EPHA2: variants seen among roughly 807,000 people sequenced by gnomAD.
EPHA2 encodes ephrin type-A receptor 2.
Under a neutral mutation model 104.9 loss-of-function variants are expected in EPHA2, and 54 were observed. The observed-to-expected ratio is 0.51, with a 90% CI of 0.41 to 0.65. The LOEUF (loss-of-function observed/expected upper bound fraction) is 0.65. Ranked by LOEUF, EPHA2 falls within the 30% of genes least tolerant of loss-of-function variation. The pLI is 0.00. For missense variants in EPHA2, 1,117 were observed against 1,369.5 expected (o/e 0.82, Z 2.91); for synonymous variants, 560 against 559.1 (o/e 1.00, Z -0.02).
intron 3 of EPHA2, among the ~76,000 whole-genome samples, chr1:16,144,895 T>C: frequency 6.6e-6 from 1 of 152,200 alleles, no homozygotes; most frequent in East Asian, 1.9e-4. Flanking sequence ...CTGGGTTGTG[T>C]GTGAAGATGG....
rs1340234385 is a variant in EPHA2, at chr1:16,134,533, G to A, written c.1617C>T (p.Gly539=). ...GCAGGACCACACCGACAGCCACGCCGCCAATCACCGCCAAGTTGCCAGATC... is the reference window on the plus strand; with the variant it reads ...GCAGGACCACACCGACAGCCACGCCACCAATCACCGCCAAGTTGCCAGATC... ...PEGSGNLAVI[G]GVAVGVVLLL... Residue 539 remains glycine (G), a synonymous_variant, in exon 8 of 17, where the codon GGC becomes GGT. Coordinates refer to ENST00000358432, the MANE Select transcript of EPHA2 (RefSeq NM_004431.5). This position sits in a 1 kb window ranked among gnomAD's most constrained non-coding sequence, Gnocchi z 4.5. 8 of 1,613,968 alleles carry A rather than the reference G, an allele frequency of 5.0e-6. No individual in the cohort carries two copies. Among genetic ancestry groups the A allele is most frequent in the East Asian group, 4.5e-5 (2 of 44,882 alleles).
chr1:16,149,004 A>T lies in EPHA2; in HGVS notation c.197T>A (p.Met66Lys). 6.2e-7 allele frequency: 1 copy of T among 1,613,986 alleles called. No individual in the cohort carries two copies. Among genetic ancestry groups the T allele is most frequent in the African/African-American group, 1.3e-5 (1 of 75,022 alleles). ...QNIMNDMPIY[M>K]YSVCNVMSGD... is the part of the protein sequence containing the mutation. ...AGACATCACGTTGCACACGGAGTAC[A>T]TGTAGATCGGCATGTCATTCATGAT... Residue 66 changes from methionine to lysine, a missense_variant, in exon 3 of 17, where the codon ATG (methionine) becomes AAG (lysine). Met to Lys is a moderately conservative substitution (Grantham distance 95). This residue lies in a region of EPHA2 where 664 missense variants were observed against 784.8 expected (regional missense o/e 0.85). Transcript: ENST00000358432.
At position 16,138,265 on chromosome 1, in the gene EPHA2, C is replaced by T. The variant is rs761613475; in HGVS notation, c.979+10G>A. 1.9e-6 allele frequency: 3 copies of T among 1,613,156 alleles called. No individual in the cohort carries two copies. The highest frequency in any genetic ancestry group is 1.3e-5 in the African/African-American group (1 of 74,902). On this transcript the variant is annotated intron_variant, in intron 4 of 16. Coordinates refer to ENST00000358432, the MANE Select transcript of EPHA2 (RefSeq NM_004431.5). ...TCAGTCACGCCACCCTGACCCACTG[C>T]AAGACTCACGTGTGCAAGGCATCGA...
chr1:16,154,381 C>T lies in EPHA2; in HGVS notation c.85+1467G>A, dbSNP rs1320248288. On this transcript the variant is annotated intron_variant, in intron 1 of 16. Coordinates refer to ENST00000358432, the MANE Select transcript of EPHA2 (RefSeq NM_004431.5). The stretch of plus-strand genomic sequence containing the variant: ...ATGCCACCCCCAACACCTGCCACTG[C>T]CCAACGGCTCCAGATCCGGCCTCTT... Among the ~76,000 whole-genome samples the T allele has an allele frequency of 3.9e-5, 6 of 152,230 alleles. No individual in the cohort carries two copies. The East Asian group carries it at 9.7e-4, about 25-fold the overall frequency.
chr1:16,138,496 G>A (rs894946805), intron 3 of EPHA2, 66 bp from the exon 4 acceptor site: 1 of 1,607,970 alleles, frequency 6.2e-7, no homozygotes, highest in South Asian at 1.1e-5. Flanking sequence ...CCACGTGACT[G>A]TCTCATTCCC....
rs371377772 is a variant in EPHA2 at position 16,133,332 on chromosome 1, G to A, written c.1901C>T (p.Thr634Ile). Residue 634 changes from threonine to isoleucine, a missense_variant, in exon 11 of 17, where the codon ACA (threonine) becomes ATA (isoleucine). This residue lies in a region of EPHA2 where 113 missense variants were observed against 104.3 expected (regional missense o/e 1.08). Transcript: ENST00000358432. ...FGEVYKGMLK[T>I]SSGKKEVPVA... ...CGGCACCTCCTTCTTCCCCGAGGAT[G>A]TCTTCAGCATGCCCTTGTACACCTC... is the stretch of plus-strand genomic sequence containing the variant. The A allele has an allele frequency of 3.2e-5, 51 of 1,613,718 alleles. No homozygotes were observed. In the Middle Eastern group the frequency reaches 4.9e-4, roughly 16 times the overall value.
In EPHA2 at chr1:16,130,110, C is replaced by G; in HGVS notation, c.2669+116G>C. 1.3e-5 allele frequency: 18 copies of G among 1,414,838 alleles called. No homozygotes were observed. The highest frequency in any genetic ancestry group is 1.8e-5 in the Non-Finnish European group (18 of 1,014,378). The allele number at this position is 1,414,838 out of a possible 1,614,324, so 87.6% of individuals were successfully genotyped here. Reference sequence around the variant, plus strand: ...TCTAAGTCAAGTCCACACATAACCTCTTAGCCCCCAGCACCCCCCCTACCA... The same window carrying G: ...TCTAAGTCAAGTCCACACATAACCTGTTAGCCCCCAGCACCCCCCCTACCA... On this transcript the variant is annotated intron_variant, in intron 15 of 16. Transcript: ENST00000358432. This position sits in a 1 kb window ranked among gnomAD's most constrained non-coding sequence, Gnocchi z 4.5.
chr1:16,152,391 C>G (rs2025057565), intron 1 of EPHA2, among the ~76,000 whole-genome samples: 1 of 152,166 alleles, frequency 6.6e-6, no homozygotes, highest in African/African-American at 2.4e-5. Flanking sequence ...ACCCCCACTA[C>G]TGACCGGGGC....
chr1:16,136,653 A>C (rs1189792657), intron 5 of EPHA2, among the ~76,000 whole-genome samples: 1 of 137,434 alleles, frequency 7.3e-6, no homozygotes, highest in African/African-American at 3.3e-5. Context: ...CAGAAGAAGA[A>C]AGAAGAAGAA....
At chr1:16,145,796 C>T (rs1010692892) in intron 3 of EPHA2, among the ~76,000 whole-genome samples, 4 of 152,224 alleles carry the variant, frequency 2.6e-5, no homozygotes, top group Non-Finnish European at 5.9e-5. Flanking sequence ...CCTGACCCAT[C>T]CTGCAGCCTG....
rs756022506 is a variant in EPHA2, at chr1:16,138,443, GGACA to G, written c.824-17_824-14del. 3.1e-6 allele frequency: 5 copies of G among 1,613,234 alleles called. No homozygotes were observed. The African/African-American group carries it at 5.3e-5, about 17-fold the overall frequency. ...CCAGGCGAGCAGGCTGGTGGACACAGGACAGACAGAGCACAAGGACATCAGTTCA... is the reference window on the plus strand; with the variant it reads ...CCAGGCGAGCAGGCTGGTGGACACAGGACAGAGCACAAGGACATCAGTTCA... On this transcript the variant is annotated splice_polypyrimidine_tract_variant and intron_variant, in intron 3 of 16. Transcript: ENST00000358432.
chr1:16,145,983 G>A (rs888469754), intron 3 of EPHA2, among the ~76,000 whole-genome samples: 2 of 152,192 alleles, frequency 1.3e-5, no homozygotes, highest in Non-Finnish European at 2.9e-5. Flanking sequence ...CTGATAAAGC[G>A]CTTGCTTGGC....
intron 1 of EPHA2, 74 bp downstream of exon 1, chr1:16,155,774 C>T: frequency 8.3e-7 from 1 of 1,197,858 alleles, no homozygotes; most frequent in Non-Finnish European, 1.1e-6. Flanking sequence ...CAAAGTTGCG[C>T]GCGTCAAGGA....
At chr1:16,153,293 C>T (rs926426174) in intron 1 of EPHA2, 2 of 985,426 alleles carry the variant, frequency 2.0e-6, no homozygotes, top group Non-Finnish European at 2.4e-6. Flanking sequence ...GTGGTTCCCT[C>T]CCCGCTTCCC....
intron 3 of EPHA2, among the ~76,000 whole-genome samples, chr1:16,140,752 G>A (rs1359306583): frequency 6.6e-6 from 1 of 152,200 alleles, no homozygotes; most frequent in African/African-American, 2.4e-5. Flanking sequence ...CTGAGTAGCT[G>A]GAACTACAGG....
At position 16,138,232 on chromosome 1, in the gene EPHA2, C is replaced by G. The variant is rs199795449; in HGVS notation, c.979+43G>C. On this transcript the variant is annotated intron_variant, in intron 4 of 16. Coordinates refer to ENST00000358432, the MANE Select transcript of EPHA2 (RefSeq NM_004431.5). ...GTGCTGTGCTGGACCCAGGCGGACACGTCACCCTCAGTCACGCCACCCTGA... is the reference window on the plus strand; with the variant it reads ...GTGCTGTGCTGGACCCAGGCGGACAGGTCACCCTCAGTCACGCCACCCTGA... The G allele has an allele frequency of 6.5e-5, 104 of 1,612,370 alleles. No individual in the cohort carries two copies. In the African/African-American group the frequency reaches 1.3e-3, roughly 20 times the overall value.
At chr1:16,140,889 C>T (rs564861550) in intron 3 of EPHA2, among the ~76,000 whole-genome samples, 7 of 152,208 alleles carry the variant, frequency 4.6e-5, no homozygotes, top group African/African-American at 1.7e-4. Flanking sequence ...GCGTGAGCCA[C>T]CGCGTCCGGC....
At chr1:16,147,780 C>T (rs1319039354) in intron 3 of EPHA2, among the ~76,000 whole-genome samples, 1 of 151,638 alleles carries the variant, frequency 6.6e-6, no homozygotes, top group Non-Finnish European at 1.5e-5. Context: ...AGCCACACAG[C>T]TAAAAATGTA....
chr1:16,135,334 G>T lies in EPHA2; in HGVS notation c.1429-145C>A. On this transcript the variant is annotated intron_variant, in intron 6 of 16. Transcript: ENST00000358432. This position sits in a 1 kb window ranked among gnomAD's most constrained non-coding sequence, Gnocchi z 4.3. ...CTCTTCTTACAGAGGAGGAAACTGA[G>T]GCTCGGAATTAAGTGACTCACTCAA... 1 of 1,105,900 alleles carries T rather than the reference G, an allele frequency of 9.0e-7. No homozygotes were observed. The highest frequency in any genetic ancestry group is 1.3e-6 in the Non-Finnish European group (1 of 752,978). The allele number at this position is 1,105,900 out of a possible 1,614,324, so 68.5% of individuals were successfully genotyped here. A position where few individuals can be genotyped will look rare whatever the true frequency, so the allele number is the denominator to read the frequency against.
Sources: gnomAD v4.1 joint callset for allele counts (sites outside exome capture counted in the v4.1 genomes callset) on GRCh38, gnomAD v4.1.1 for gene constraint, gnomAD v4.1.1 regional missense constraint, Gnocchi (gnomAD v3.1) non-coding constraint, MANE v1.5 for transcripts, NCBI Gene and HGNC (gene_info 2026-07-23, HGNC 2026-07-21) for gene names.